SMYD3: variants seen among roughly 807,000 people sequenced by gnomAD.
SMYD3 encodes SET and MYND domain containing 3.
SMYD3 carries 36 observed loss-of-function variants against 57.7 expected under a neutral mutation model. The observed-to-expected ratio is 0.62, with a 90% CI of 0.48 to 0.82. The LOEUF (loss-of-function observed/expected upper bound fraction) is 0.82, where lower values mean the gene tolerates loss of function less well. SMYD3 is among the 40% of genes least tolerant of loss of function. SMYD3 has a pLI of 0.00. For missense variants in SMYD3, 515 were observed against 538.8 expected, an observed-to-expected ratio of 0.96 and a Z score of 0.44; for synonymous variants, 211 against 195.0, an observed-to-expected ratio of 1.08 and a Z score of -0.68.
chr1:246,175,937 T>C (rs995797962), intron 5 of SMYD3, among the ~76,000 whole-genome samples: 3 of 152,202 alleles, frequency 2.0e-5, no homozygotes, highest in African/African-American at 7.2e-5. Flanking sequence ...GGAGTTTCCT[T>C]TCTTAAATAC....
chr1:245,775,462 T>G (rs1041101799), intron 10 of SMYD3, among the ~76,000 whole-genome samples: 1 of 151,336 alleles, frequency 6.6e-6, no homozygotes, highest in African/African-American at 2.4e-5. Context: ...CAGGGTTAAA[T>G]GGATTAAGGG....
chr1:246,314,848 A>T (rs2065132012), intron 5 of SMYD3, among the ~76,000 whole-genome samples: 1 of 152,230 alleles, frequency 6.6e-6, no homozygotes, highest in Non-Finnish European at 1.5e-5. Flanking sequence ...CTATTCTGTA[A>T]CTTATTTTTA....
At chr1:245,887,659 A>AT (rs1174352975) in intron 8 of SMYD3, among the ~76,000 whole-genome samples, 4 of 151,942 alleles carry the variant, frequency 2.6e-5, no homozygotes, top group South Asian at 2.1e-4. Context: ...CTGACCAGGG[A>AT]TTTTTTTTCT....
intron 8 of SMYD3, among the ~76,000 whole-genome samples, chr1:245,899,674 T>C (rs1259751911): frequency 1.3e-5 from 2 of 152,228 alleles, no homozygotes; most frequent in East Asian, 1.9e-4. Flanking sequence ...GGTGCCCAGA[T>C]ATTTGGTCAA....
chr1:245,864,574 G>T (rs1279849886), intron 8 of SMYD3, among the ~76,000 whole-genome samples: 1 of 152,190 alleles, frequency 6.6e-6, no homozygotes, highest in Non-Finnish European at 1.5e-5. Context: ...AATCCACAGA[G>T]ACAGAGTCGA....
intron 7 of SMYD3, among the ~76,000 whole-genome samples, chr1:245,921,566 TATATAC>T (rs1030634999): frequency 2.6e-4 from 28 of 106,210 alleles, no homozygotes; most frequent in South Asian, 1.8e-3. Context: ...TATATATATA[TATATAC>T]ACATACCATG....
At chr1:246,417,058 A>C (rs752197002) in intron 1 of SMYD3, among the ~76,000 whole-genome samples, 3 of 152,092 alleles carry the variant, frequency 2.0e-5, no homozygotes, top group Non-Finnish European at 2.9e-5. Context: ...ATAATACAAC[A>C]ACCTCTGTTC....
chr1:245,877,665 T>C (rs1460564593), intron 8 of SMYD3, among the ~76,000 whole-genome samples: 1 of 152,138 alleles, frequency 6.6e-6, no homozygotes, highest in Non-Finnish European at 1.5e-5. Flanking sequence ...AGTAGAGGAT[T>C]CCAGGACAAC....
chr1:246,363,175 C>T (rs1325159973), intron 1 of SMYD3, among the ~76,000 whole-genome samples: 6 of 148,360 alleles, frequency 4.0e-5, no homozygotes, highest in Admixed American at 1.3e-4. Context: ...GTGAGGAGCC[C>T]CTCCGCCCGG....
At chr1:246,305,324 A>G (rs2064961776) in intron 5 of SMYD3, among the ~76,000 whole-genome samples, 1 of 152,238 alleles carries the variant, frequency 6.6e-6, no homozygotes, top group Non-Finnish European at 1.5e-5. Context: ...ATAGAATTAT[A>G]GAAAATCTCA....
At chr1:246,072,822 G>A (rs1430651748) in intron 5 of SMYD3, among the ~76,000 whole-genome samples, 1 of 152,152 alleles carries the variant, frequency 6.6e-6, no homozygotes, top group African/African-American at 2.4e-5. Context: ...TTCTGCCTTG[G>A]ACGTAAGAAA....
chr1:246,317,149 T>C (rs1022159782), intron 5 of SMYD3, among the ~76,000 whole-genome samples: 8 of 152,154 alleles, frequency 5.3e-5, no homozygotes, highest in African/African-American at 1.9e-4. Context: ...TACTATACCA[T>C]TGAGATAAAA....
chr1:246,063,005 A>G (rs1558193922), intron 5 of SMYD3, among the ~76,000 whole-genome samples: 1 of 152,318 alleles, frequency 6.6e-6, no homozygotes, highest in South Asian at 2.1e-4. Context: ...TCTTTATGCT[A>G]TGAGAGGTAC....
chr1:245,914,021 G>A (rs1572671483), intron 8 of SMYD3, among the ~76,000 whole-genome samples: 2 of 152,118 alleles, frequency 1.3e-5, no homozygotes, highest in East Asian at 1.9e-4. Context: ...CTAGGCTGGT[G>A]CAAAAGTAAT....
intron 5 of SMYD3, among the ~76,000 whole-genome samples, chr1:246,253,025 A>G (rs2063821131): frequency 1.3e-5 from 2 of 152,218 alleles, no homozygotes; most frequent in South Asian, 4.1e-4. Context: ...GTTATTTGAC[A>G]TTTCAATTTC....
At chr1:245,961,398 A>G (rs557053608) in intron 5 of SMYD3, among the ~76,000 whole-genome samples, 12 of 152,290 alleles carry the variant, frequency 7.9e-5, no homozygotes, top group East Asian at 1.9e-4. Context: ...AGCACTTTGA[A>G]TCTAAATTTC....
intron 1 of SMYD3, among the ~76,000 whole-genome samples, chr1:246,387,211 A>C (rs570764908): frequency 6.6e-6 from 1 of 152,234 alleles, no homozygotes; most frequent in African/African-American, 2.4e-5. Flanking sequence ...GGTATACGGT[A>C]TGAGCTTTAG....
At chr1:245,957,989 C>T (rs572466722) in intron 5 of SMYD3, among the ~76,000 whole-genome samples, 102 of 151,976 alleles carry the variant, frequency 6.7e-4, no homozygotes, top group African/African-American at 2.3e-3. Context: ...AAGGTAGGGA[C>T]GCTGAATGTA....
At chr1:245,951,322 C>A (rs1194785382) in intron 5 of SMYD3, among the ~76,000 whole-genome samples, 2 of 104,390 alleles carry the variant, frequency 1.9e-5, no homozygotes, top group East Asian at 6.0e-4. Flanking sequence ...CGTCGTGGCT[C>A]ACTTTGGGAG....
Sources: allele counts gnomAD v4.1 joint callset (sites outside exome capture counted in the v4.1 genomes callset), GRCh38; gene constraint gnomAD v4.1.1; transcripts MANE v1.5; gene names NCBI Gene and HGNC (gene_info 2026-07-23, HGNC 2026-07-21).